MTMR2: variants seen among roughly 807,000 people sequenced by gnomAD.
The protein encoded by MTMR2 is phosphatidylinositol-3,5-bisphosphate 3-phosphatase MTMR2.
In MTMR2, 55 loss-of-function variants were observed where a neutral mutation model predicts 86.9. The observed-to-expected ratio is 0.63, with a 90% CI of 0.51 to 0.79. The LOEUF is 0.79. MTMR2 is among the 30% of genes least tolerant of loss of function. MTMR2 has a pLI of 0.00. For missense variants in MTMR2, 659 were observed against 772.3 expected (o/e 0.85, Z 1.74); for synonymous variants, 241 against 266.8 (o/e 0.90, Z 0.94).
At chr11:95,914,256 G>C in intron 1 of MTMR2, 1 of 975,332 alleles carries the variant, frequency 1.0e-6, no homozygotes, top group South Asian at 4.8e-5. Flanking sequence ...TAATTTTTGA[G>C]ATGTTTTATC....
intron 1 of MTMR2, among the ~76,000 whole-genome samples, chr11:95,909,686 T>C (rs1018358899): frequency 6.6e-6 from 1 of 152,086 alleles, no homozygotes; most frequent in Admixed American, 6.6e-5. Context: ...TTTACTGATA[T>C]CATCAATGTA....
At chr11:95,875,584 T>C (rs1180453557) in intron 2 of MTMR2, among the ~76,000 whole-genome samples, 1 of 152,210 alleles carries the variant, frequency 6.6e-6, no homozygotes, top group Non-Finnish European at 1.5e-5. Flanking sequence ...TCTGAAGCCT[T>C]CTTCTCTCAA....
At chr11:95,853,411 C>G (rs146652624) in intron 7 of MTMR2, among the ~76,000 whole-genome samples, 1 of 152,266 alleles carries the variant, frequency 6.6e-6, no homozygotes, top group Non-Finnish European at 1.5e-5. Flanking sequence ...ACTGCCTCCA[C>G]AGTAATCTTT....
At chr11:95,870,548 G>C (rs1432086743) in intron 2 of MTMR2, among the ~76,000 whole-genome samples, 1 of 151,956 alleles carries the variant, frequency 6.6e-6, no homozygotes, top group Admixed American at 6.6e-5. Context: ...AAAACAAATA[G>C]AAGCAATTAT....
chr11:95,849,720 A>C lies in MTMR2; in HGVS notation c.947T>G (p.Ile316Ser). 1 of 1,614,064 alleles carries C rather than the reference A, an allele frequency of 6.2e-7. No homozygotes were observed. Among genetic ancestry groups the C allele is most frequent in the Non-Finnish European group, 8.5e-7 (1 of 1,179,972 alleles). Residue 316 changes from isoleucine (I) to serine (S), a missense_variant, in exon 9 of 15, where the codon ATC becomes AGC. Physicochemically the swap from Ile to Ser is moderately radical, Grantham distance 142. Transcript: ENST00000346299. ...ACTTGGCCGGGCATCAAATATAAAG[A>C]TTTTGTGAGACTGGGCATTGGAATC... is the stretch of plus-strand genomic sequence containing the variant. ...IMDSNAQSHK[I>S]FIFDARPSVN...
At chr11:95,853,638 C>T (rs74554118) in intron 7 of MTMR2, among the ~76,000 whole-genome samples, 3,503 of 152,196 alleles carry the variant, frequency 0.023, 118 homozygotes, top group African/African-American at 0.078. Flanking sequence ...ACAGTACTTG[C>T]TCTATCAGAC....
intron 13 of MTMR2, 122 bp downstream of exon 13, chr11:95,837,972 G>C: frequency 1.4e-6 from 1 of 705,124 alleles, no homozygotes; most frequent in South Asian, 1.5e-5. Flanking sequence ...CAATATTATA[G>C]CATGTAAGAT....
chr11:95,876,469 C>A (rs1175497664), intron 2 of MTMR2, among the ~76,000 whole-genome samples: 1 of 152,202 alleles, frequency 6.6e-6, no homozygotes, highest in Non-Finnish European at 1.5e-5. Context: ...ATGTTACTAA[C>A]TGGCTAGCCA....
chr11:95,901,603 C>G (rs948669126), intron 1 of MTMR2, among the ~76,000 whole-genome samples: 10 of 152,110 alleles, frequency 6.6e-5, no homozygotes, highest in African/African-American at 2.4e-4. Flanking sequence ...GAGAGAGAAG[C>G]AGATACAGAA....
chr11:95,841,651 T>C lies in MTMR2; in HGVS notation c.1445A>G (p.Gln482Arg). 1 of 1,613,758 alleles carries C rather than the reference T, an allele frequency of 6.2e-7. No homozygotes were observed. Among genetic ancestry groups the C allele is most frequent in the South Asian group, 1.1e-5 (1 of 91,088 alleles). ...ADADRSPVFLQFIDCVWQMTR... is the reference protein window; with the variant it reads ...ADADRSPVFLRFIDCVWQMTR... ...CATCTGCCAGACACAGTCAATAAAT[T>C]GAAGAAAAACAGGCGATCTGTCTGC... Residue 482 changes from glutamine (Q) to arginine (R), a missense_variant, in exon 12 of 15, where the codon CAA becomes CGA. This residue lies in a region of MTMR2 where 193 missense variants were observed against 191.6 expected (regional missense o/e 1.01). Transcript: ENST00000346299.
At chr11:95,867,329 T>G (rs1191094445) in intron 2 of MTMR2, among the ~76,000 whole-genome samples, 2 of 152,124 alleles carry the variant, frequency 1.3e-5, no homozygotes, top group Admixed American at 6.5e-5. Flanking sequence ...TCTCTACATT[T>G]CTACATTCAG....
At chr11:95,854,938 T>C (rs487609) in intron 7 of MTMR2, among the ~76,000 whole-genome samples, 1 of 151,728 alleles carries the variant, frequency 6.6e-6, no homozygotes. Context: ...CCCCCCTGGA[T>C]AGCTGTGACT....
chr11:95,878,010 C>A (rs181839622), intron 2 of MTMR2, among the ~76,000 whole-genome samples: 4 of 151,462 alleles, frequency 2.6e-5, no homozygotes, highest in Non-Finnish European at 5.9e-5. Flanking sequence ...TCTTAAAATA[C>A]AAGTTTTCAT....
chr11:95,917,816 T>C (rs975154550), intron 1 of MTMR2, among the ~76,000 whole-genome samples: 3 of 152,212 alleles, frequency 2.0e-5, no homozygotes, highest in Non-Finnish European at 4.4e-5. Flanking sequence ...TTGGTCTTGC[T>C]GTGTCAGGGG....
intron 7 of MTMR2, 70 bp downstream of exon 7, chr11:95,857,482 G>T (rs994517201): frequency 1.8e-6 from 2 of 1,098,600 alleles, no homozygotes; most frequent in Admixed American, 3.5e-5. Flanking sequence ...TTCGTACATG[G>T]TTCCACCCAG....
rs1863991153 is a variant in MTMR2 at position 95,850,839 on chromosome 11, G to A, written c.655-90C>T. 4 of 1,186,078 alleles carry A rather than the reference G, an allele frequency of 3.4e-6. No individual in the cohort carries two copies. The South Asian group carries it at 3.7e-5, about 11-fold the overall frequency. 73.5% of individuals were successfully genotyped at this position (1,186,078 alleles called of 1,614,324 possible). A position where few individuals can be genotyped will look rare whatever the true frequency, so the allele number is the denominator to read the frequency against. On this transcript the variant is annotated intron_variant, in intron 7 of 14. Transcript: ENST00000346299. ...AGAAGCCATCCTGTTCAATCTCTCTGACCTCTACTATCCATCTCCTAAAGT... is the reference window on the plus strand; with the variant it reads ...AGAAGCCATCCTGTTCAATCTCTCTAACCTCTACTATCCATCTCCTAAAGT...
chr11:95,915,933 T>C (rs1866680596), intron 1 of MTMR2, among the ~76,000 whole-genome samples: 1 of 152,138 alleles, frequency 6.6e-6, no homozygotes, highest in Non-Finnish European at 1.5e-5. Flanking sequence ...ACCACTTTCA[T>C]TTTATGGTTC....
chr11:95,840,690 A>G (rs1025953880), intron 12 of MTMR2, among the ~76,000 whole-genome samples: 6 of 152,178 alleles, frequency 3.9e-5, no homozygotes, highest in Non-Finnish European at 7.4e-5. Flanking sequence ...GGACTGTTAA[A>G]TATATAATTG....
intron 7 of MTMR2, among the ~76,000 whole-genome samples, chr11:95,854,296 C>A (rs1388216040): frequency 6.6e-6 from 1 of 152,152 alleles, no homozygotes; most frequent in Non-Finnish European, 1.5e-5. Context: ...TTGTCAGGGT[C>A]AAGTTTATTA....
Sources: gnomAD v4.1 joint callset for allele counts (sites outside exome capture counted in the v4.1 genomes callset) on GRCh38, gnomAD v4.1.1 for gene constraint, gnomAD v4.1.1 regional missense constraint, MANE v1.5 for transcripts, NCBI Gene and HGNC (gene_info 2026-07-23, HGNC 2026-07-21) for gene names.